The following ADAMTS17 variants were observed in gnomAD, a reference collection of about 807,000 sequenced individuals.
ADAMTS17 encodes the protein ADAM metallopeptidase with thrombospondin type 1 motif 17.
In ADAMTS17, 113 loss-of-function variants were observed where a neutral mutation model predicts 141.5. That is an observed-to-expected ratio of 0.80 (90% confidence interval 0.69 to 0.93). The LOEUF (loss-of-function observed/expected upper bound fraction) is 0.93. Among genes scored for constraint, ADAMTS17 ranks in the 40% least tolerant of loss-of-function variants. ADAMTS17 has a pLI of 0.00. For missense variants in ADAMTS17, 1,659 were observed against 1,517.9 expected (o/e 1.09, Z -1.54); for synonymous variants, 768 against 630.6 (o/e 1.22, Z -3.27).
In ADAMTS17 at chr15:100,109,220, C is replaced by T. The variant is rs919174023; in HGVS notation, c.1889-104G>A. On this transcript the variant is annotated intron_variant, in intron 13 of 21. Coordinates refer to ENST00000268070, the MANE Select transcript of ADAMTS17 (RefSeq NM_139057.4). ...AGGGAAACCCTGAGGAAGAGAGGTC[C>T]GCACAGGTCAGTAAAGGTGCATGAG... 240 of 1,427,726 alleles carry T rather than the reference C, an allele frequency of 1.7e-4. No individual in the cohort carries two copies. The Middle Eastern group carries it at 1.8e-3, about 11-fold the overall frequency. 88.4% of individuals were successfully genotyped at this position (1,427,726 alleles called of 1,614,324 possible). A position where few individuals can be genotyped will look rare whatever the true frequency, so the allele number is the denominator to read the frequency against.
chr15:100,078,531 T>C (rs911741951), intron 15 of ADAMTS17, among the ~76,000 whole-genome samples: 1 of 151,340 alleles, frequency 6.6e-6, no homozygotes, highest in African/African-American at 2.5e-5. Context: ...AAGGATGAAG[T>C]TGTACACCTA....
intron 15 of ADAMTS17, among the ~76,000 whole-genome samples, chr15:100,076,783 C>G (rs1414456095): frequency 6.6e-6 from 1 of 151,992 alleles, no homozygotes; most frequent in African/African-American, 2.4e-5. Context: ...TAATACTACA[C>G]AAACAAAAAC....
chr15:100,008,192 G>A (rs940044844), intron 18 of ADAMTS17, among the ~76,000 whole-genome samples: 2 of 152,082 alleles, frequency 1.3e-5, no homozygotes, highest in African/African-American at 2.4e-5. Flanking sequence ...CCCTCTTAGA[G>A]GGGCACTGAA....
intron 3 of ADAMTS17, among the ~76,000 whole-genome samples, chr15:100,325,089 G>C (rs934120424): frequency 3.3e-5 from 5 of 152,176 alleles, no homozygotes; most frequent in African/African-American, 1.2e-4. Context: ...AGACATTTAT[G>C]ACGGTTCGCT....
rs2061141971 is a variant in ADAMTS17, at chr15:100,010,496, C to T, written c.2592-12907G>A. Among the ~76,000 whole-genome samples the T allele has an allele frequency of 5.9e-5, 9 of 152,200 alleles. No individual in the cohort carries two copies. The South Asian group carries it at 1.9e-3, about 32-fold the overall frequency. ...TTCCCAGTGCACCTGCAACACTGTT[C>T]TCCACGTGTGCTGCGAGCCTATGGG... On this transcript the variant is annotated intron_variant, in intron 18 of 21. Transcript: ENST00000268070.
intron 19 of ADAMTS17, among the ~76,000 whole-genome samples, chr15:99,996,228 G>C (rs1291708498): frequency 6.6e-6 from 1 of 151,976 alleles, no homozygotes; most frequent in African/African-American, 2.4e-5. Context: ...CTAATTTTTT[G>C]TATTTAGTAG....
chr15:100,057,474 T>C (rs1184541315), intron 15 of ADAMTS17, among the ~76,000 whole-genome samples: 1 of 151,902 alleles, frequency 6.6e-6, no homozygotes, highest in Non-Finnish European at 1.5e-5. Context: ...ACCGGCTGAG[T>C]CCCATATCCA....
chr15:100,259,381 G>C (rs531403501), intron 6 of ADAMTS17, among the ~76,000 whole-genome samples: 2 of 152,326 alleles, frequency 1.3e-5, no homozygotes, highest in East Asian at 3.9e-4. Context: ...AAGCCTCACA[G>C]TCGCCAAATG....
chr15:100,341,530 T>C, intron 1 of ADAMTS17, 121 bp from the exon 2 acceptor site: 1 of 936,066 alleles, frequency 1.1e-6, no homozygotes, highest in Non-Finnish European at 1.3e-6. Context: ...TGCCTTCCCT[T>C]CCCTCGCCCG....
chr15:100,341,167 C>T lies in ADAMTS17; in HGVS notation c.322G>A (p.Glu108Lys). The change falls in exon 2 of 22, where the codon GAG becomes AAG. Residue 108 changes from glutamate to lysine, a missense_variant. By Grantham distance (56) the Glu-to-Lys change is moderately conservative (BLOSUM62 1). Coordinates refer to ENST00000268070, the MANE Select transcript of ADAMTS17 (RefSeq NM_139057.4). ...RDLRFLSRGF[E>K]VEEAGAARRR... ...CGGGCCGCGCCCGCCTCCTCCACCT[C>T]GAAGCCTCGGGACAGGAAGCGCAGG... is the stretch of plus-strand genomic sequence containing the variant. The T allele has an allele frequency of 6.8e-7, 1 of 1,463,630 alleles. No homozygotes were observed. Among genetic ancestry groups the T allele is most frequent in the Non-Finnish European group, 9.0e-7 (1 of 1,112,488 alleles). The allele number at this position is 1,463,630 out of a possible 1,614,324, so 90.7% of individuals were successfully genotyped here.
At chr15:100,167,621 C>T (rs1026897977) in intron 8 of ADAMTS17, among the ~76,000 whole-genome samples, 31 of 152,144 alleles carry the variant, frequency 2.0e-4, no homozygotes, top group African/African-American at 7.5e-4. Flanking sequence ...AGGGGGACCC[C>T]CGAGGCACCT....
At chr15:100,324,491 CA>C (rs2045839075) in intron 3 of ADAMTS17, among the ~76,000 whole-genome samples, 1 of 152,146 alleles carries the variant, frequency 6.6e-6, no homozygotes, top group African/African-American at 2.4e-5. Context: ...TCTCCCCCAC[CA>C]AACCCTAAGT....
At chr15:100,254,965 A>C (rs2043275912) in intron 6 of ADAMTS17, among the ~76,000 whole-genome samples, 2 of 152,048 alleles carry the variant, frequency 1.3e-5, no homozygotes, top group Admixed American at 1.3e-4. Context: ...TTACCTATGT[A>C]ATGAACCTGC....
intron 15 of ADAMTS17, among the ~76,000 whole-genome samples, chr15:100,074,980 T>A (rs993391464): frequency 7.2e-5 from 11 of 152,332 alleles, no homozygotes; most frequent in Admixed American, 7.2e-4. Flanking sequence ...TGGAGCTGTA[T>A]ACTATTTAGT....
chr15:99,994,231 G>A (rs1418767640), intron 19 of ADAMTS17, among the ~76,000 whole-genome samples: 1 of 152,208 alleles, frequency 6.6e-6, no homozygotes, highest in Non-Finnish European at 1.5e-5. Flanking sequence ...GCAGGAGGCT[G>A]CAGTCTGCTA....
chr15:100,320,464 G>C (rs942578850), intron 3 of ADAMTS17, among the ~76,000 whole-genome samples: 3 of 152,220 alleles, frequency 2.0e-5, no homozygotes, highest in African/African-American at 7.2e-5. Flanking sequence ...ATAGCAGTCT[G>C]AACACAGTAC....
intron 7 of ADAMTS17, among the ~76,000 whole-genome samples, chr15:100,249,211 G>A (rs2043077882): frequency 6.6e-6 from 1 of 152,150 alleles, no homozygotes; most frequent in African/African-American, 2.4e-5. Context: ...CAGGGCCTTG[G>A]AAACGCCAAC....
At chr15:100,108,773 A>C (rs980472646) in intron 14 of ADAMTS17, among the ~76,000 whole-genome samples, 21 of 151,864 alleles carry the variant, frequency 1.4e-4, no homozygotes, top group Non-Finnish European at 1.9e-4. Flanking sequence ...TGTTCTTTCC[A>C]CCTCCACTCC....
In ADAMTS17 at chr15:100,281,220, C is replaced by T. The variant is rs377670601; in HGVS notation, c.789+9G>A. 417 of 1,603,242 alleles carry T rather than the reference C, an allele frequency of 2.6e-4. No individual in the cohort carries two copies. The highest frequency in any genetic ancestry group is 4.0e-4 in the Middle Eastern group (2 of 5,018). On this transcript the variant is annotated intron_variant, in intron 4 of 21. Coordinates refer to ENST00000268070, the MANE Select transcript of ADAMTS17 (RefSeq NM_139057.4). ...GCCCCCCACATCAGGACCCCGGCTC[C>T]GGACTCACCATGTTCATGACGGTCA...
Sources: allele counts gnomAD v4.1 joint callset (sites outside exome capture counted in the v4.1 genomes callset), GRCh38; gene constraint gnomAD v4.1.1; transcripts MANE v1.5; gene names NCBI Gene and HGNC (gene_info 2026-07-23, HGNC 2026-07-21).